The following RERE variants were observed in gnomAD, a reference collection of about 807,000 sequenced individuals.
The protein encoded by RERE is arginine-glutamic acid dipeptide repeats protein.
RERE carries 40 observed loss-of-function variants against 146.1 expected under a neutral mutation model. That is an observed-to-expected ratio of 0.27 (90% CI 0.21 to 0.36). RERE has a LOEUF of 0.36. Among genes scored for constraint, RERE ranks in the 10% least tolerant of loss-of-function variants. The pLI, the probability that RERE is intolerant of heterozygous loss-of-function variation, is 1.00. For missense variants in RERE, 1,933 were observed against 2,138.7 expected, an observed-to-expected ratio of 0.90 and a Z score of 1.90; for synonymous variants, 1,003 against 866.0, an observed-to-expected ratio of 1.16 and a Z score of -2.78.
chr1:8,355,005 G>T lies in RERE; in HGVS notation c.*82C>A. On this transcript the variant is annotated 3_prime_UTR_variant, in exon 23 of 23. Transcript: ENST00000400908. ...TTTAGAAGATATTCTTTTTGCTTTT[G>T]CAGCTCCTATTTTATGTAAAAAGTC... 3.5e-6 allele frequency: 4 copies of T among 1,130,802 alleles called. No individual in the cohort carries two copies. Among genetic ancestry groups the T allele is most frequent in the Non-Finnish European group, 5.2e-6 (4 of 764,710 alleles). The allele number at this position is 1,130,802 out of a possible 1,614,324, so 70.0% of individuals were successfully genotyped here.
chr1:8,428,087 C>A (rs1644042252), intron 11 of RERE, among the ~76,000 whole-genome samples: 1 of 152,180 alleles, frequency 6.6e-6, no homozygotes, highest in Non-Finnish European at 1.5e-5. Flanking sequence ...TGAATTATTT[C>A]TGTGTCCATT....
At chr1:8,729,105 G>C (rs147716439) in intron 1 of RERE, among the ~76,000 whole-genome samples, 1 of 151,750 alleles carries the variant, frequency 6.6e-6, no homozygotes, top group Non-Finnish European at 1.5e-5. Flanking sequence ...TGGAAGCTGC[G>C]GTGAGCTGAG....
At chr1:8,395,480 A>C (rs1026910754) in intron 12 of RERE, among the ~76,000 whole-genome samples, 12 of 151,964 alleles carry the variant, frequency 7.9e-5, no homozygotes, top group African/African-American at 2.9e-4. Context: ...GTCTCAAAAA[A>C]AAAAAAAAAA....
intron 11 of RERE, among the ~76,000 whole-genome samples, chr1:8,464,069 A>G (rs894633565): frequency 1.2e-4 from 18 of 152,232 alleles, no homozygotes; most frequent in Non-Finnish European, 1.0e-4. Flanking sequence ...CGACTTCTCA[A>G]AACTGAATTT....
intron 11 of RERE, among the ~76,000 whole-genome samples, chr1:8,461,224 T>A (rs1440228363): frequency 6.6e-6 from 1 of 152,014 alleles, no homozygotes; most frequent in Non-Finnish European, 1.5e-5. Context: ...TTTTTTTTTT[T>A]AATGTTTTAA....
chr1:8,659,000 T>G (rs1447791459), intron 1 of RERE, among the ~76,000 whole-genome samples: 2 of 152,228 alleles, frequency 1.3e-5, no homozygotes, highest in Non-Finnish European at 2.9e-5. Flanking sequence ...AAGGAACGCA[T>G]GTAGCACAAA....
At chr1:8,387,689 G>A (rs1252561253) in intron 12 of RERE, among the ~76,000 whole-genome samples, 1 of 152,154 alleles carries the variant, frequency 6.6e-6, no homozygotes, top group Non-Finnish European at 1.5e-5. Flanking sequence ...CTCATTAAAG[G>A]ATGCTCAATA....
chr1:8,578,717 C>G (rs1646326534), intron 4 of RERE, among the ~76,000 whole-genome samples: 1 of 152,102 alleles, frequency 6.6e-6, no homozygotes, highest in South Asian at 2.1e-4. Context: ...CCAAGAACAT[C>G]TCACTTAGGG....
At chr1:8,511,499 C>A (rs543653575) in intron 7 of RERE, among the ~76,000 whole-genome samples, 1 of 152,312 alleles carries the variant, frequency 6.6e-6, no homozygotes, top group South Asian at 2.1e-4. Context: ...CATTAGCCTA[C>A]TATATGCAAG....
intron 4 of RERE, among the ~76,000 whole-genome samples, chr1:8,604,591 A>T (rs1228744380): frequency 1.2e-5 from 1 of 86,804 alleles, no homozygotes; most frequent in Non-Finnish European, 2.3e-5. Context: ...GAAGGAAGGA[A>T]GGAAGGAAGG....
Position 8,508,666 on chromosome 1 carries a change from G to A in RERE, c.840C>T (p.Asn280=). 2 of 1,612,756 alleles carry A rather than the reference G, an allele frequency of 1.2e-6. No homozygotes were observed. The highest frequency in any genetic ancestry group is 4.5e-5 in the East Asian group (2 of 44,862). The change falls in exon 8 of 23, where the codon AAC becomes AAT. Residue 280 remains asparagine (N), a synonymous_variant. Coordinates refer to ENST00000400908, the MANE Select transcript of RERE (RefSeq NM_001042681.2). ...LGYNPETRRL[N]STQGEIRVGP... ...CGACACGAATCTCCCCCTGGGTACT[G>A]TTCAGCCTCCTGGAACAGAAATAGA...
chr1:8,380,252 A>G (rs1642400096), intron 12 of RERE, among the ~76,000 whole-genome samples: 1 of 151,970 alleles, frequency 6.6e-6, no homozygotes, highest in African/African-American at 2.4e-5. Flanking sequence ...AATCTCTAAC[A>G]GCCTCAGAGC....
intron 2 of RERE, among the ~76,000 whole-genome samples, chr1:8,648,605 T>C (rs1034448107): frequency 2.0e-5 from 3 of 152,238 alleles, no homozygotes; most frequent in Admixed American, 6.5e-5. Flanking sequence ...TCCTCAGGTT[T>C]CATTTTGCCT....
chr1:8,380,970 C>T (rs144048175), intron 12 of RERE: 1 of 456,636 alleles, frequency 2.2e-6, no homozygotes, highest in East Asian at 7.0e-5. Context: ...TAAAAGGGAC[C>T]AATGGTTTTT....
At chr1:8,440,636 C>A (rs1414056917) in intron 11 of RERE, among the ~76,000 whole-genome samples, 2 of 150,554 alleles carry the variant, frequency 1.3e-5, no homozygotes, top group Non-Finnish European at 3.0e-5. Flanking sequence ...GTCTGTAATC[C>A]CAGCACTTTG....
At chr1:8,357,210 C>T (rs1342172732) in intron 20 of RERE, among the ~76,000 whole-genome samples, 4 of 152,362 alleles carry the variant, frequency 2.6e-5, no homozygotes, top group Middle Eastern at 3.4e-3. Context: ...TGGCACATTC[C>T]AGGGGTTCAG....
chr1:8,720,476 G>A (rs1639841298), intron 1 of RERE, among the ~76,000 whole-genome samples: 2 of 152,138 alleles, frequency 1.3e-5, no homozygotes, highest in Non-Finnish European at 1.5e-5. Context: ...CATATGCAGA[G>A]GGTAGGTACC....
intron 1 of RERE, among the ~76,000 whole-genome samples, chr1:8,701,960 T>C (rs1229641471): frequency 1.3e-5 from 2 of 152,070 alleles, no homozygotes; most frequent in Admixed American, 6.5e-5. Context: ...GTAGAGTTGG[T>C]TGTGCTTCTG....
At chr1:8,596,308 T>C (rs1490627622) in intron 4 of RERE, among the ~76,000 whole-genome samples, 2 of 152,208 alleles carry the variant, frequency 1.3e-5, no homozygotes, top group South Asian at 2.1e-4. Context: ...TTCTGCCTCA[T>C]AAACACTTTG....
Sources: allele counts gnomAD v4.1 joint callset (sites outside exome capture counted in the v4.1 genomes callset), GRCh38; gene constraint gnomAD v4.1.1; transcripts MANE v1.5; gene names NCBI Gene and HGNC (gene_info 2026-07-23, HGNC 2026-07-21).